MAPK3: variants seen among roughly 807,000 people sequenced by gnomAD.
The protein encoded by MAPK3 is mitogen-activated protein kinase 3, also known as MAPK 1.
In MAPK3, 30 loss-of-function variants were observed where a neutral mutation model predicts 41.8. The ratio of observed to expected loss-of-function variants is 0.72; its 90% CI spans 0.54 to 0.97. The LOEUF (loss-of-function observed/expected upper bound fraction) is 0.97. Among genes scored for constraint, MAPK3 ranks in the 50% least tolerant of loss-of-function variants. MAPK3 has a pLI of 0.00. For synonymous variants in MAPK3, 222 were observed against 213.4 expected, an observed-to-expected ratio of 1.04 and a Z score of -0.35; for missense variants, 413 against 509.9, an observed-to-expected ratio of 0.81 and a Z score of 1.83.
chr16:30,122,208 G>C, intron 1 of MAPK3: 2 of 609,198 alleles, frequency 3.3e-6, no homozygotes, highest in South Asian at 3.9e-5. Context: ...GCCCTTCGGT[G>C]ACTTTACAAA....
At position 30,123,185 on chromosome 16, in the gene MAPK3, C is replaced by G; in HGVS notation, c.25G>C (p.Gly9Arg). 1 of 1,319,122 alleles carries G rather than the reference C, an allele frequency of 7.6e-7. No homozygotes were observed. The highest frequency in any genetic ancestry group is 1.0e-6 in the Non-Finnish European group (1 of 997,236). The allele number at this position is 1,319,122 out of a possible 1,614,324, so 81.7% of individuals were successfully genotyped here. A position where few individuals can be genotyped will look rare whatever the true frequency, so the allele number is the denominator to read the frequency against. Residue 9 changes from glycine to arginine, a missense_variant, in exon 1 of 9, where the codon GGC becomes CGC. Gly to Arg is a moderately radical substitution (Grantham distance 125, BLOSUM62 -2). Around this residue, in one of 4 missense-constraint regions of MAPK3, gnomAD observed 145 missense variants for 133.0 expected, o/e 1.09. Transcript: ENST00000263025. MAAAAAQG[G>R]GGGEPRRTEG... ...GTTCTACGGGGCTCCCCGCCCCCGC[C>G]CCCCTGAGCCGCCGCCGCCGCCATC...
chr16:30,123,155 C>G lies in MAPK3; in HGVS notation c.55G>C (p.Gly19Arg). 2 of 1,515,292 alleles carry G rather than the reference C, an allele frequency of 1.3e-6. No homozygotes were observed. The highest frequency in any genetic ancestry group is 1.8e-6 in the Non-Finnish European group (2 of 1,127,630). 93.9% of individuals were successfully genotyped at this position (1,515,292 alleles called of 1,614,324 possible). ...GGGGEPRRTE[G>R]VGPGVPGEVE... is the part of the protein sequence containing the mutation. ...TCCCCCGGGACCCCCGGGCCGACCC[C>G]CTCGGTTCTACGGGGCTCCCCGCCC... The change falls in exon 1 of 9, where the codon GGG becomes CGG. Residue 19 changes from glycine to arginine, a missense_variant. This residue lies in a region of MAPK3 where 145 missense variants were observed against 133.0 expected (regional missense o/e 1.09). Coordinates refer to ENST00000263025, the MANE Select transcript of MAPK3 (RefSeq NM_002746.3).
chr16:30,122,756 A>C, intron 1 of MAPK3: 1 of 322,182 alleles, frequency 3.1e-6, no homozygotes. Context: ...CCGTGTCACT[A>C]GGGTCCCCGC....
intron 2 of MAPK3, 77 bp from the exon 3 acceptor site, chr16:30,118,615 C>A (rs12922100): frequency 8.3e-7 from 1 of 1,210,470 alleles, no homozygotes; most frequent in Admixed American, 2.0e-5. Context: ...GCTCTGAAGG[C>A]GAGGCTGCAC....
intron 4 of MAPK3, 124 bp from the exon 5 acceptor site, chr16:30,117,908 A>C: frequency 9.3e-7 from 1 of 1,078,234 alleles, no homozygotes; most frequent in East Asian, 2.4e-5. Context: ...TGGAGGGCTC[A>C]ATGCTCAGCT....
chr16:30,117,629 A>G (rs1229141550), intron 5 of MAPK3, 41 bp downstream of exon 5: 10 of 1,504,420 alleles, frequency 6.6e-6, no homozygotes, highest in Middle Eastern at 1.7e-4. Context: ...CACCTCGGAA[A>G]AGCTAATCAT....
rs2072977004 is a variant in MAPK3 at position 30,118,085 on chromosome 16, G to A, written c.622C>T (p.Arg208Cys). ...ATGATCTCTGGGGCCCGGTACCAGC[G>A]CGTAGCCACATACTCCGTCAGGAAG... Reference protein sequence around the residue: ...TGFLTEYVATRWYRAPEIMLN... With the variant: ...TGFLTEYVATCWYRAPEIMLN... The change falls in exon 4 of 9, where the codon CGC (arginine) becomes TGC (cysteine). Residue 208 changes from arginine (R) to cysteine (C), a missense_variant. By Grantham distance (180) the Arg-to-Cys change is radical (BLOSUM62 -3). Transcript: ENST00000263025. 10 of 1,613,962 alleles carry A rather than the reference G, an allele frequency of 6.2e-6. No homozygotes were observed. Among genetic ancestry groups the A allele is most frequent in the South Asian group, 1.1e-5 (1 of 91,082 alleles).
intron 8 of MAPK3, 69 bp downstream of exon 8, chr16:30,116,567 T>C (rs61764220): frequency 0.027 from 39,680 of 1,471,430 alleles, 684 homozygotes; most frequent in Non-Finnish European, 0.032. Context: ...CAGATAGATA[T>C]AGATATAGAT....
chr16:30,123,149 C>T lies in MAPK3; in HGVS notation c.61G>A (p.Gly21Ser), dbSNP rs773609716. The change falls in exon 1 of 9, where the codon GGC becomes AGC. Residue 21 changes from glycine to serine, a missense_variant. Around this residue, in one of 4 missense-constraint regions of MAPK3, gnomAD observed 145 missense variants for 133.0 expected, o/e 1.09. Coordinates refer to ENST00000263025, the MANE Select transcript of MAPK3 (RefSeq NM_002746.3). ...GGEPRRTEGV[G>S]PGVPGEVEMV... is the part of the protein sequence containing the mutation. ...TCCACCTCCCCCGGGACCCCCGGGC[C>T]GACCCCCTCGGTTCTACGGGGCTCC... is the stretch of plus-strand genomic sequence containing the variant. 3.3e-6 allele frequency: 5 copies of T among 1,519,796 alleles called. No homozygotes were observed. The highest frequency in any genetic ancestry group is 1.4e-5 in the African/African-American group (1 of 69,878). 94.1% of individuals were successfully genotyped at this position (1,519,796 alleles called of 1,614,324 possible). A position where few individuals can be genotyped will look rare whatever the true frequency, so the allele number is the denominator to read the frequency against.
Position 30,116,699 on chromosome 16 carries a change from C to T in MAPK3, c.1109G>A (p.Arg370His), listed in dbSNP as rs376745934. 16 of 1,613,654 alleles carry T rather than the reference C, an allele frequency of 9.9e-6. No individual in the cohort carries two copies. The highest frequency in any genetic ancestry group is 6.7e-5 in the East Asian group (3 of 44,892). The change falls in exon 8 of 9, where the codon CGC (arginine) becomes CAC (histidine). Residue 370 changes from arginine to histidine, a missense_variant. Coordinates refer to ENST00000263025, the MANE Select transcript of MAPK3 (RefSeq NM_002746.3). ...GGCCTCCAGCACTCCGGGCTGGAAG[C>T]GTGCTGTCTCCTGGAAGATGAGCTC... is the stretch of plus-strand genomic sequence containing the variant. ...LKELIFQETA[R>H]FQPGVLEAP
intron 8 of MAPK3, 22 bp from the exon 9 acceptor site, chr16:30,114,730 A>T (rs1250879186): frequency 6.5e-6 from 1 of 152,704 alleles, no homozygotes; most frequent in Non-Finnish European, 1.5e-5. Context: ...AGCAGGCAGA[A>T]GAGGAGTCGT....
intron 2 of MAPK3, among the ~76,000 whole-genome samples, chr16:30,119,767 G>A (rs1247300297): frequency 6.6e-6 from 1 of 152,176 alleles, no homozygotes; most frequent in Non-Finnish European, 1.5e-5. Context: ...GGAGTAAAAT[G>A]TCTTTTTCTA....
intron 2 of MAPK3, among the ~76,000 whole-genome samples, chr16:30,118,876 C>A (rs547602503): frequency 2.0e-5 from 3 of 152,260 alleles, no homozygotes; most frequent in Admixed American, 2.0e-4. Flanking sequence ...TGGTGGCTCA[C>A]ACCTGTAATC....
At chr16:30,116,160 G>A (rs1252781297) in intron 8 of MAPK3, among the ~76,000 whole-genome samples, 1 of 149,234 alleles carries the variant, frequency 6.7e-6, no homozygotes, top group East Asian at 2.0e-4. Context: ...ACAGCCTCCT[G>A]AGTAGCTGGG....
intron 1 of MAPK3, 64 bp downstream of exon 1, chr16:30,122,976 C>A: frequency 7.5e-6 from 10 of 1,329,856 alleles, no homozygotes; most frequent in Non-Finnish European, 9.9e-6. Context: ...CTCGGCGCCT[C>A]CTCCTCCTCT....
At chr16:30,114,975 C>T (rs1414315391) in intron 8 of MAPK3, among the ~76,000 whole-genome samples, 2 of 151,838 alleles carry the variant, frequency 1.3e-5, no homozygotes, top group African/African-American at 2.4e-5. Context: ...CAGTGGCTCA[C>T]GCCTATAATC....
chr16:30,117,029 C>T, intron 6 of MAPK3, 26 bp from the exon 7 acceptor site: 1 of 1,592,836 alleles, frequency 6.3e-7, no homozygotes, highest in South Asian at 1.1e-5. Flanking sequence ...AGTCAGGGGT[C>T]ACAGGGAAGA....
rs770232978 is a variant in MAPK3 at position 30,121,844 on chromosome 16, G to A, written c.333C>T (p.Thr111=). 1.7e-5 allele frequency: 27 copies of A among 1,613,940 alleles called. No individual in the cohort carries two copies. In the Admixed American group the frequency reaches 4.5e-4, roughly 27 times the overall value. The change falls in exon 2 of 9, where the codon ACC becomes ACT. Residue 111 remains threonine (T), a synonymous_variant. Transcript: ENST00000263025. ...GATACACATCTCTCATGGCTTCCAG[G>A]GTGGACGCCCGCAGAATGTCTCGGA... ...IGIRDILRAS[T]LEAMRDVYIV... is the part of the protein sequence containing the mutation.
In MAPK3 at chr16:30,121,211, C is replaced by T. The variant is rs61764207; in HGVS notation, c.353+613G>A. 2.3e-3 allele frequency among the ~76,000 whole-genome samples: 354 copies of T among 152,206 alleles called. 3 individuals are homozygous for T. The highest frequency in any genetic ancestry group is 4.4e-3 in the Non-Finnish European group (298 of 67,998). ...GCAACCTCCAGCTCCTGGGTTCAAGCGATTCTCCTACCTCTGCCTCCCAAG... is the reference window on the plus strand; with the variant it reads ...GCAACCTCCAGCTCCTGGGTTCAAGTGATTCTCCTACCTCTGCCTCCCAAG... On this transcript the variant is annotated intron_variant, in intron 2 of 8. Transcript: ENST00000263025.
Sources: allele counts gnomAD v4.1 joint callset (sites outside exome capture counted in the v4.1 genomes callset), GRCh38; gene constraint gnomAD v4.1.1; regional missense constraint gnomAD v4.1.1; transcripts MANE v1.5; gene names NCBI Gene and HGNC (gene_info 2026-07-23, HGNC 2026-07-21).